PPM1E: variants seen among roughly 807,000 people sequenced by gnomAD.
PPM1E encodes the protein protein phosphatase 1E.
A neutral mutation model predicts 65.9 loss-of-function variants in PPM1E; 20 were observed. The observed-to-expected ratio is 0.30, with a 90% CI of 0.21 to 0.44. The LOEUF (loss-of-function observed/expected upper bound fraction) is 0.44, where lower values mean the gene tolerates loss of function less well. Ranked by LOEUF, PPM1E falls within the 20% of genes least tolerant of loss-of-function variation. PPM1E has a pLI of 1.00. For missense variants in PPM1E, 713 were observed against 953.1 expected, an observed-to-expected ratio of 0.75 and a Z score of 3.32; for synonymous variants, 352 against 374.9, an observed-to-expected ratio of 0.94 and a Z score of 0.70.
At chr17:58,973,951 CAAAAAAAAAAAAAAA>C (rs34819561) in intron 6 of PPM1E, among the ~76,000 whole-genome samples, 5 of 55,468 alleles carry the variant, frequency 9.0e-5, no homozygotes, top group African/African-American at 4.0e-4. Context: ...GACTCCATCT[CAAAAAAAAAAAAAAA>C]AAAAAAAAAA....
At chr17:58,859,895 C>T (rs4076229) in intron 1 of PPM1E, among the ~76,000 whole-genome samples, 96,853 of 152,072 alleles carry the variant, frequency 0.64, 31,224 homozygotes, top group African/African-American at 0.71. Flanking sequence ...AGTGATGTTA[C>T]CTGATTCATC....
chr17:58,816,768 ATATATATATATATATATATATATATATTT>A (rs1294704330), intron 1 of PPM1E, among the ~76,000 whole-genome samples: 468 of 32,920 alleles, frequency 0.014, 22 homozygotes, highest in African/African-American at 0.058. Context: ...ATATATATAT[ATATATATATATATATATATATATATATTT>A]TTTTTTTTTT....
At chr17:58,771,316 T>C (rs12939500) in intron 1 of PPM1E, among the ~76,000 whole-genome samples, 38,983 of 151,632 alleles carry the variant, frequency 0.26, 5,665 homozygotes, top group Middle Eastern at 0.43. Flanking sequence ...TTTCATAGTA[T>C]GTATAGTTAA....
chr17:58,969,707 G>A lies in PPM1E; in HGVS notation c.952G>A (p.Val318Met), dbSNP rs771446071. Residue 318 changes from valine (V) to methionine (M), a missense_variant, in exon 4 of 7, where the codon GTG becomes ATG. By Grantham distance (21) the Val-to-Met change is conservative. Transcript: ENST00000308249. ...CTTCCGGGTCACTGATGAGCGGTTT[G>A]TGCAGAAAGCAGCCAGGGAGGTATG... Reference protein sequence around the residue: ...RAFRVTDERFVQKAARESLRC... With the variant: ...RAFRVTDERFMQKAARESLRC... 9 of 1,614,044 alleles carry A rather than the reference G, an allele frequency of 5.6e-6. No individual in the cohort carries two copies. The highest frequency in any genetic ancestry group is 7.6e-6 in the Non-Finnish European group (9 of 1,180,020).
chr17:58,960,920 A>AG (rs2030012893), intron 2 of PPM1E, among the ~76,000 whole-genome samples: 2 of 152,114 alleles, frequency 1.3e-5, no homozygotes, highest in Non-Finnish European at 2.9e-5. Context: ...AAAACAATAT[A>AG]ATTTTTTCCT....
At position 58,969,731 on chromosome 17, in the gene PPM1E, T is replaced by C; in HGVS notation, c.972+4T>C. ...TGTGCAGAAAGCAGCCAGGGAGGTA[T>C]GCCCCTTTCTCATAAGTTCCAGCTA... On this transcript the variant is annotated splice_donor_region_variant and intron_variant, in intron 4 of 6. Transcript: ENST00000308249. The C allele has an allele frequency of 6.2e-7, 1 of 1,613,614 alleles. No individual in the cohort carries two copies. Among genetic ancestry groups the C allele is most frequent in the Non-Finnish European group, 8.5e-7 (1 of 1,179,676 alleles).
intron 1 of PPM1E, among the ~76,000 whole-genome samples, chr17:58,887,878 T>G (rs1374907878): frequency 6.6e-6 from 1 of 152,108 alleles, no homozygotes; most frequent in Non-Finnish European, 1.5e-5. Context: ...GTTGTCCAGG[T>G]GAGAAATAAT....
At chr17:58,851,059 G>A (rs945715400) in intron 1 of PPM1E, among the ~76,000 whole-genome samples, 6 of 152,058 alleles carry the variant, frequency 3.9e-5, no homozygotes, top group Admixed American at 3.3e-4. Flanking sequence ...TCTTCCACTT[G>A]ATCAAATCGG....
intron 1 of PPM1E, among the ~76,000 whole-genome samples, chr17:58,946,150 T>C (rs1279679375): frequency 6.6e-6 from 1 of 151,922 alleles, no homozygotes; most frequent in African/African-American, 2.4e-5. Flanking sequence ...TCATAGACTA[T>C]ACAGGAAATT....
chr17:58,855,043 T>C (rs1179994603), intron 1 of PPM1E, among the ~76,000 whole-genome samples: 1 of 152,150 alleles, frequency 6.6e-6, no homozygotes, highest in Non-Finnish European at 1.5e-5. Context: ...TGTGGACAAC[T>C]CTGAGAGTTA....
chr17:58,953,531 A>T (rs1352123710), intron 1 of PPM1E, among the ~76,000 whole-genome samples: 1 of 152,222 alleles, frequency 6.6e-6, no homozygotes, highest in African/African-American at 2.4e-5. Context: ...ACCTGCTTCC[A>T]TGACCCAAAC....
chr17:58,873,227 CTGA>C (rs1391541209), intron 1 of PPM1E, among the ~76,000 whole-genome samples: 2 of 152,070 alleles, frequency 1.3e-5, no homozygotes, highest in Non-Finnish European at 2.9e-5. Flanking sequence ...GAATTACCTT[CTGA>C]TGTTTGCTGC....
At chr17:58,867,428 G>A (rs745474898) in intron 1 of PPM1E, among the ~76,000 whole-genome samples, 2 of 152,198 alleles carry the variant, frequency 1.3e-5, no homozygotes, top group Non-Finnish European at 2.9e-5. Flanking sequence ...GGATTAGAGT[G>A]TTACAGGGGC....
At chr17:58,845,113 G>A (rs1192043863) in intron 1 of PPM1E, among the ~76,000 whole-genome samples, 1 of 152,080 alleles carries the variant, frequency 6.6e-6, no homozygotes, top group Non-Finnish European at 1.5e-5. Flanking sequence ...AATCACTTAT[G>A]CGAAATGTGT....
At chr17:58,883,375 G>A (rs907063511) in intron 1 of PPM1E, among the ~76,000 whole-genome samples, 1 of 151,450 alleles carries the variant, frequency 6.6e-6, no homozygotes, top group East Asian at 1.9e-4. Context: ...TTCTTCTGCT[G>A]GCATAGTTTC....
At chr17:58,836,892 C>T (rs1295707050) in intron 1 of PPM1E, among the ~76,000 whole-genome samples, 20 of 149,830 alleles carry the variant, frequency 1.3e-4, no homozygotes, top group South Asian at 2.1e-4. Flanking sequence ...TGGTGGCGCG[C>T]GCCTGTAGTC....
At chr17:58,923,921 T>C in intron 1 of PPM1E, among the ~76,000 whole-genome samples, 1 of 133,782 alleles carries the variant, frequency 7.5e-6, no homozygotes, top group Non-Finnish European at 1.6e-5. Flanking sequence ...CTTTTTTTTT[T>C]TTTTTTTTTT....
chr17:58,884,558 T>G (rs571527753), intron 1 of PPM1E, among the ~76,000 whole-genome samples: 1 of 152,342 alleles, frequency 6.6e-6, no homozygotes, highest in South Asian at 2.1e-4. Context: ...AAGGAGTACA[T>G]TGAATATTAA....
At chr17:58,962,052 A>G (rs1246708181) in intron 2 of PPM1E, among the ~76,000 whole-genome samples, 1 of 152,204 alleles carries the variant, frequency 6.6e-6, no homozygotes, top group African/African-American at 2.4e-5. Flanking sequence ...TGGGAGGCCA[A>G]GGCGAGTGGA....
Sources: allele counts gnomAD v4.1 joint callset (sites outside exome capture counted in the v4.1 genomes callset), GRCh38; gene constraint gnomAD v4.1.1; transcripts MANE v1.5; gene names NCBI Gene and HGNC (gene_info 2026-07-23, HGNC 2026-07-21).